Variants in DOCK9 observed in about 807,000 individuals in gnomAD.
The protein encoded by DOCK9 is dedicator of cytokinesis protein 9.
Under a neutral mutation model 263.3 loss-of-function variants are expected in DOCK9, and 89 were observed. The ratio of observed to expected loss-of-function variants is 0.34; its 90% CI spans 0.28 to 0.40. The LOEUF (loss-of-function observed/expected upper bound fraction) is 0.40, where lower values mean the gene tolerates loss of function less well. Ranked by LOEUF, DOCK9 falls within the 10% of genes least tolerant of loss-of-function variation. DOCK9 has a pLI of 1.00. For synonymous variants in DOCK9, 976 were observed against 973.1 expected, an observed-to-expected ratio of 1.00 and a Z score of -0.06; for missense variants, 2,140 against 2,603.4, an observed-to-expected ratio of 0.82 and a Z score of 3.87.
At chr13:98,817,573 G>C (rs2091966842) in intron 45 of DOCK9, among the ~76,000 whole-genome samples, 2 of 147,710 alleles carry the variant, frequency 1.4e-5, no homozygotes, top group Admixed American at 1.4e-4. Context: ...GATTACAGGT[G>C]TGAGCCACCA....
At position 98,810,308 on chromosome 13, in the gene DOCK9, G is replaced by C. The variant is rs759333468; in HGVS notation, c.5131-17C>G. The C allele has an allele frequency of 4.0e-5, 65 of 1,612,222 alleles. No homozygotes were observed. Among genetic ancestry groups the C allele is most frequent in the Non-Finnish European group, 4.9e-5 (58 of 1,179,810 alleles). ...CAGCACATCCTGATCAAAGAGGAGG[G>C]CCAACAGCAAGAGAAGAGCGTTATG... On this transcript the variant is annotated splice_polypyrimidine_tract_variant and intron_variant, in intron 45 of 52. Coordinates refer to ENST00000682017, the MANE Select transcript of DOCK9 (RefSeq NM_001366683.2).
intron 45 of DOCK9, among the ~76,000 whole-genome samples, chr13:98,815,706 C>T (rs920411895): frequency 2.0e-5 from 3 of 152,182 alleles, no homozygotes; most frequent in African/African-American, 7.2e-5. Context: ...TGGTCTCAAT[C>T]TCCTCACCTT....
At chr13:98,989,045 T>G (rs1164129907) in intron 1 of DOCK9, among the ~76,000 whole-genome samples, 1 of 152,186 alleles carries the variant, frequency 6.6e-6, no homozygotes, top group African/African-American at 2.4e-5. Context: ...GTAAGAACAC[T>G]GTGTTGCCTC....
chr13:99,050,107 T>C (rs1289648687), intron 1 of DOCK9, among the ~76,000 whole-genome samples: 2 of 152,218 alleles, frequency 1.3e-5, no homozygotes. Context: ...TGCTTGCATG[T>C]TGGATCCTGT....
intron 1 of DOCK9, among the ~76,000 whole-genome samples, chr13:98,973,107 AAAACAAGG>A (rs1280841177): frequency 2.0e-5 from 3 of 152,224 alleles, no homozygotes; most frequent in African/African-American, 7.2e-5. Flanking sequence ...CAATATTTTA[AAAACAAGG>A]AAACTACTTA....
At chr13:98,813,477 A>G (rs753107418) in intron 45 of DOCK9, among the ~76,000 whole-genome samples, 1 of 152,102 alleles carries the variant, frequency 6.6e-6, no homozygotes, top group Non-Finnish European at 1.5e-5. Flanking sequence ...AGAAAATCAT[A>G]TGGTTTTTCC....
intron 1 of DOCK9, among the ~76,000 whole-genome samples, chr13:99,027,620 C>T (rs935500195): frequency 2.0e-5 from 3 of 152,150 alleles, no homozygotes; most frequent in African/African-American, 4.8e-5. Context: ...AGTCATGATA[C>T]GGTAAATGTG....
chr13:98,848,128 C>A (rs535100190), intron 37 of DOCK9, among the ~76,000 whole-genome samples: 1 of 152,142 alleles, frequency 6.6e-6, no homozygotes, highest in Non-Finnish European at 1.5e-5. Context: ...TTGGGATGGA[C>A]TGAAAACATT....
rs1442471679 is a variant in DOCK9, at chr13:98,793,533, A to C, written c.*1093T>G. 6.6e-6 allele frequency: 1 copy of C among 152,632 alleles called. No homozygotes were observed. Among genetic ancestry groups the C allele is most frequent in the African/African-American group, 2.4e-5 (1 of 41,468 alleles). 9.5% of individuals were successfully genotyped at this position (152,632 alleles called of 1,614,324 possible). ...AATACAGATGTGGTACAGAATGTTT[A>C]ATTACAGCAGGGCAGTGATTCCAGT... On this transcript the variant is annotated 3_prime_UTR_variant, in exon 53 of 53. Coordinates refer to ENST00000682017, the MANE Select transcript of DOCK9 (RefSeq NM_001366683.2).
intron 36 of DOCK9, 82 bp downstream of exon 36, chr13:98,849,965 G>T: frequency 9.9e-7 from 1 of 1,012,560 alleles, no homozygotes; most frequent in Non-Finnish European, 1.5e-6. Flanking sequence ...TACTCCTCTG[G>T]TTCAACTACA....
intron 24 of DOCK9, 46 bp downstream of exon 24, chr13:98,881,846 G>GT: frequency 6.8e-7 from 1 of 1,474,414 alleles, no homozygotes; most frequent in Non-Finnish European, 9.3e-7. Context: ...TGCTCCAGAT[G>GT]TGGACAGACT....
intron 38 of DOCK9, among the ~76,000 whole-genome samples, chr13:98,839,570 A>G (rs2093133537): frequency 6.6e-6 from 1 of 152,224 alleles, no homozygotes; most frequent in Non-Finnish European, 1.5e-5. Flanking sequence ...TCTGGGTTCA[A>G]TTTTAACAAG....
chr13:99,022,911 T>C (rs944599868), intron 1 of DOCK9, among the ~76,000 whole-genome samples: 9 of 152,184 alleles, frequency 5.9e-5, no homozygotes, highest in African/African-American at 2.2e-4. Flanking sequence ...ACTGTGGCAC[T>C]GCACTCCAGC....
Position 98,897,686 on chromosome 13 carries a change from T to C in DOCK9, c.1587-76A>G, listed in dbSNP as rs1186527004. 5.8e-6 allele frequency: 9 copies of C among 1,559,944 alleles called. No homozygotes were observed. In the East Asian group the frequency reaches 9.0e-5, roughly 16 times the overall value. ...CAATTCATTATTTAAGTCTAGTTTC[T>C]ATGAGAAGTCTAATTATTATTCCAT... On this transcript the variant is annotated intron_variant, in intron 14 of 52. Transcript: ENST00000682017.
chr13:99,071,030 C>A (rs1341405784), intron 1 of DOCK9, among the ~76,000 whole-genome samples: 1 of 152,160 alleles, frequency 6.6e-6, no homozygotes, highest in Non-Finnish European at 1.5e-5. Context: ...ACCCCCTGCA[C>A]AGTCAAAAAT....
intron 43 of DOCK9, among the ~76,000 whole-genome samples, chr13:98,828,985 C>A (rs1013931419): frequency 6.6e-6 from 1 of 152,178 alleles, no homozygotes; most frequent in African/African-American, 2.4e-5. Flanking sequence ...AGGAGGAATT[C>A]ATTTGATCAT....
intron 2 of DOCK9, among the ~76,000 whole-genome samples, chr13:98,941,365 G>A (rs895030601): frequency 9.9e-5 from 15 of 152,190 alleles, no homozygotes; most frequent in African/African-American, 3.6e-4. Flanking sequence ...TGAGACTTTA[G>A]ACAGTTCCTT....
intron 2 of DOCK9, among the ~76,000 whole-genome samples, chr13:98,951,652 T>G (rs1481920605): frequency 1.3e-5 from 2 of 152,160 alleles, no homozygotes; most frequent in Admixed American, 6.5e-5. Context: ...GGGGGAAAAG[T>G]TTCTGTGGAC....
intron 1 of DOCK9, among the ~76,000 whole-genome samples, chr13:99,012,647 A>G (rs962072581): frequency 6.6e-6 from 1 of 152,178 alleles, no homozygotes; most frequent in African/African-American, 2.4e-5. Flanking sequence ...GGGTGACCCA[A>G]GGAAGTACCA....
Sources: allele counts gnomAD v4.1 joint callset (sites outside exome capture counted in the v4.1 genomes callset), GRCh38; gene constraint gnomAD v4.1.1; transcripts MANE v1.5; gene names NCBI Gene and HGNC (gene_info 2026-07-23, HGNC 2026-07-21).